PDE1A: variants seen among roughly 807,000 people sequenced by gnomAD.
PDE1A encodes phosphodiesterase 1A, also known as dual specificity calcium/calmodulin-dependent 3',5'-cyclic nucleotide phosphodiesterase 1A.
A neutral mutation model predicts 61.7 loss-of-function variants in PDE1A; 35 were observed. That is an observed-to-expected ratio of 0.57 (90% confidence interval 0.43 to 0.75). The LOEUF (loss-of-function observed/expected upper bound fraction) is 0.75, where lower values mean the gene tolerates loss of function less well. PDE1A is among the 30% of genes least tolerant of loss of function. The pLI is 0.00. For missense variants in PDE1A, 597 were observed against 630.6 expected (o/e 0.95, Z 0.57); for synonymous variants, 232 against 213.2 (o/e 1.09, Z -0.77).
At chr2:182,678,313 C>T in the PDE1A span, among the ~76,000 whole-genome samples, 1 of 152,166 alleles carries the variant, frequency 6.6e-6, no homozygotes, top group Non-Finnish European at 1.5e-5. Context: ...ATCCCAGCTA[C>T]TCGGGAGGCT....
At chr2:182,331,543 G>C (rs1374943275) in intron 1 of PDE1A, among the ~76,000 whole-genome samples, 2 of 152,138 alleles carry the variant, frequency 1.3e-5, no homozygotes, top group African/African-American at 4.8e-5. Context: ...GGCAAACCTG[G>C]TGGTGACAAA....
At chr2:182,193,359 T>C (rs906323828) in intron 10 of PDE1A, among the ~76,000 whole-genome samples, 3 of 152,060 alleles carry the variant, frequency 2.0e-5, no homozygotes, top group Non-Finnish European at 2.9e-5. Context: ...AAACTCTTCA[T>C]TGAAACTTCA....
intron 2 of PDE1A, among the ~76,000 whole-genome samples, chr2:182,246,116 T>A (rs1279412230): frequency 2.6e-5 from 4 of 152,140 alleles, no homozygotes. Context: ...TCCACATAAG[T>A]CATCTCAAGC....
the PDE1A span, among the ~76,000 whole-genome samples, chr2:182,641,194 G>A: frequency 1.3e-5 from 2 of 151,982 alleles, no homozygotes; most frequent in Non-Finnish European, 2.9e-5. Context: ...AAACTAAAAA[G>A]ATGGTTGCCT....
chr2:182,535,134 C>T, the PDE1A span, among the ~76,000 whole-genome samples: 25 of 151,964 alleles, frequency 1.6e-4, no homozygotes, highest in Middle Eastern at 3.2e-3. Context: ...TTCATTGCCC[C>T]ATCAGTCTAT....
At chr2:182,535,132 C>T in the PDE1A span, among the ~76,000 whole-genome samples, 2 of 151,860 alleles carry the variant, frequency 1.3e-5, no homozygotes, top group Non-Finnish European at 2.9e-5. Flanking sequence ...ATTTCATTGC[C>T]CCATCAGTCT....
At chr2:182,170,452 T>A (rs1211342914) in intron 13 of PDE1A, among the ~76,000 whole-genome samples, 1 of 151,534 alleles carries the variant, frequency 6.6e-6, no homozygotes. Context: ...TAAACAGAAG[T>A]AGATTTGATG....
At chr2:182,253,886 A>G (rs1007384719) in intron 2 of PDE1A, among the ~76,000 whole-genome samples, 2 of 152,252 alleles carry the variant, frequency 1.3e-5, no homozygotes, top group African/African-American at 4.8e-5. Flanking sequence ...TTTATAGTAG[A>G]AAGAATATAA....
chr2:182,549,221 C>G, the PDE1A span, among the ~76,000 whole-genome samples: 1 of 151,400 alleles, frequency 6.6e-6, no homozygotes, highest in South Asian at 2.1e-4. Context: ...AAAAAAATAA[C>G]AAGCACAATC....
At chr2:182,386,287 C>A (rs1473894768) in intron 1 of PDE1A, among the ~76,000 whole-genome samples, 1 of 152,044 alleles carries the variant, frequency 6.6e-6, no homozygotes, top group South Asian at 2.1e-4. Context: ...AAGTGAGGAG[C>A]GTCTCTGCTT....
the PDE1A span, among the ~76,000 whole-genome samples, chr2:182,623,921 C>A: frequency 2.0e-5 from 3 of 151,894 alleles, no homozygotes; most frequent in Non-Finnish European, 4.4e-5. Flanking sequence ...GTCAGGAGAC[C>A]GAGACCATCC....
intron 12 of PDE1A, 92 bp downstream of exon 12, chr2:182,186,376 T>G (rs1457526998): frequency 7.7e-6 from 11 of 1,420,416 alleles, no homozygotes; most frequent in African/African-American, 7.2e-5. Context: ...TTGTGAGAAT[T>G]CTCTGCCTAG....
intron 13 of PDE1A, among the ~76,000 whole-genome samples, chr2:182,155,839 C>CCAGG (rs1691050623): frequency 6.6e-6 from 1 of 152,082 alleles, no homozygotes; most frequent in African/African-American, 2.4e-5. Flanking sequence ...TGCAGTGAGC[C>CCAGG]GAGATTGCAC....
intron 10 of PDE1A, among the ~76,000 whole-genome samples, chr2:182,189,794 C>A (rs551955681): frequency 6.6e-6 from 1 of 152,168 alleles, no homozygotes; most frequent in Non-Finnish European, 1.5e-5. Flanking sequence ...CCTCTAATAT[C>A]ACAAGGTTTA....
At chr2:182,174,978 A>G (rs1692599665) in intron 13 of PDE1A, among the ~76,000 whole-genome samples, 2 of 152,090 alleles carry the variant, frequency 1.3e-5, no homozygotes, top group South Asian at 4.1e-4. Context: ...CCCACTTATA[A>G]GTAAGAACAT....
the PDE1A span, among the ~76,000 whole-genome samples, chr2:182,609,562 C>T: frequency 9.2e-5 from 14 of 152,192 alleles, no homozygotes; most frequent in East Asian, 1.9e-4. Context: ...AAACTCCAGA[C>T]GTGCCGTCTT....
the PDE1A span, among the ~76,000 whole-genome samples, chr2:182,705,005 A>G: frequency 2.6e-5 from 4 of 152,220 alleles, no homozygotes; most frequent in Non-Finnish European, 5.9e-5. Context: ...TGATTCTTAG[A>G]TAGATCCTGG....
intron 1 of PDE1A, among the ~76,000 whole-genome samples, chr2:182,333,070 A>G (rs1159800410): frequency 6.6e-6 from 1 of 152,220 alleles, no homozygotes; most frequent in Non-Finnish European, 1.5e-5. Flanking sequence ...GAGCATCCAA[A>G]TTCATAAAGC....
intron 10 of PDE1A, among the ~76,000 whole-genome samples, chr2:182,197,234 T>C (rs940035489): frequency 6.6e-6 from 1 of 151,906 alleles, no homozygotes; most frequent in Non-Finnish European, 1.5e-5. Context: ...TTTTATAAAA[T>C]ATCCATTCAA....
Sources: gnomAD v4.1 joint callset for allele counts (sites outside exome capture counted in the v4.1 genomes callset) on GRCh38, gnomAD v4.1.1 for gene constraint, MANE v1.5 for transcripts, NCBI Gene and HGNC (gene_info 2026-07-23, HGNC 2026-07-21) for gene names.